KIAA1217: variants seen among roughly 807,000 people sequenced by gnomAD.
KIAA1217 encodes the protein KIAA1217.
A neutral mutation model predicts 163.9 loss-of-function variants in KIAA1217; 88 were observed. The observed-to-expected ratio is 0.54, with a 90% CI of 0.45 to 0.64. The LOEUF (loss-of-function observed/expected upper bound fraction) is 0.64, where lower values mean the gene tolerates loss of function less well. Among genes scored for constraint, KIAA1217 ranks in the 30% least tolerant of loss-of-function variants. The pLI is 0.00. For missense variants in KIAA1217, 2,372 were observed against 2,475.0 expected, an observed-to-expected ratio of 0.96 and a Z score of 0.88; for synonymous variants, 903 against 923.1, an observed-to-expected ratio of 0.98 and a Z score of 0.39.
intron 1 of KIAA1217, among the ~76,000 whole-genome samples, chr10:23,934,829 G>A (rs1207511634): frequency 6.6e-6 from 1 of 151,276 alleles, no homozygotes; most frequent in Non-Finnish European, 1.5e-5. Flanking sequence ...ATGTTAGCCA[G>A]GATGGTCTCG....
At chr10:24,451,104 TAGAGAAA>T (rs2061342231) in intron 5 of KIAA1217, among the ~76,000 whole-genome samples, 1 of 152,190 alleles carries the variant, frequency 6.6e-6, no homozygotes, top group Non-Finnish European at 1.5e-5. Flanking sequence ...AGTGTAGAGA[TAGAGAAA>T]AGCACTTTGG....
At chr10:24,065,562 C>A (rs983014718) in intron 2 of KIAA1217, among the ~76,000 whole-genome samples, 1 of 152,104 alleles carries the variant, frequency 6.6e-6, no homozygotes, top group Non-Finnish European at 1.5e-5. Context: ...TTACTTCCAA[C>A]TATGTGGTCA....
intron 1 of KIAA1217, among the ~76,000 whole-genome samples, chr10:23,708,696 C>G (rs1029732063): frequency 2.6e-5 from 4 of 152,186 alleles, no homozygotes; most frequent in Admixed American, 2.0e-4. Context: ...AAAAGTTAGG[C>G]AGGGCCTTAA....
At chr10:23,970,067 TC>T (rs1845246921) in intron 1 of KIAA1217, among the ~76,000 whole-genome samples, 1 of 152,158 alleles carries the variant, frequency 6.6e-6, no homozygotes, top group East Asian at 1.9e-4. Context: ...TCCCACCAGG[TC>T]TCTCCCACAC....
intron 1 of KIAA1217, among the ~76,000 whole-genome samples, chr10:23,849,486 T>A (rs938419693): frequency 4.2e-4 from 64 of 152,048 alleles, no homozygotes; most frequent in African/African-American, 1.4e-3. Context: ...TGATACAGTG[T>A]TGCTCCATCA....
At chr10:23,962,603 G>A (rs1011259) in intron 1 of KIAA1217, among the ~76,000 whole-genome samples, 2,561 of 152,230 alleles carry the variant, frequency 0.017, 77 homozygotes, top group African/African-American at 0.056. Flanking sequence ...ATTATTCTTA[G>A]AAAACTAGTG....
chr10:23,709,981 T>G (rs531781934), intron 1 of KIAA1217, among the ~76,000 whole-genome samples: 1 of 152,346 alleles, frequency 6.6e-6, no homozygotes, highest in East Asian at 1.9e-4. Context: ...TCTGATTTTC[T>G]TCTCTGGTTG....
chr10:24,198,051 C>G (rs915910317), intron 2 of KIAA1217, among the ~76,000 whole-genome samples: 4 of 152,238 alleles, frequency 2.6e-5, no homozygotes, highest in African/African-American at 9.6e-5. Flanking sequence ...ACATATGCAT[C>G]CACCTCTGTG....
intron 2 of KIAA1217, among the ~76,000 whole-genome samples, chr10:24,137,287 G>A (rs2063869968): frequency 6.6e-6 from 1 of 152,204 alleles, no homozygotes; most frequent in Admixed American, 6.5e-5. Flanking sequence ...AGCCACGTGT[G>A]GTGATGACTG....
chr10:23,916,698 G>A (rs2131281332), intron 1 of KIAA1217, among the ~76,000 whole-genome samples: 1 of 152,266 alleles, frequency 6.6e-6, no homozygotes, highest in South Asian at 2.1e-4. Flanking sequence ...GGCTGGCAGG[G>A]CGCAGTGGCT....
intron 1 of KIAA1217, among the ~76,000 whole-genome samples, chr10:23,766,654 T>A (rs1333019954): frequency 6.7e-6 from 1 of 149,596 alleles, no homozygotes; most frequent in African/African-American, 2.5e-5. Flanking sequence ...AATGGCACAA[T>A]CTTGGCTCAC....
chr10:24,380,906 C>A lies in KIAA1217; in HGVS notation c.392C>A (p.Pro131His). ...AAACTGTCTCACAGTCCTCAACCAC[C>A]CAGTCTGGGTGACCCGGTCGAGCAT... is the stretch of plus-strand genomic sequence containing the variant. ...SPKLSHSPQP[P>H]SLGDPVEHLS... is the part of the protein sequence containing the mutation. Residue 131 changes from proline to histidine, a missense_variant, in exon 3 of 21, where the codon CCC becomes CAC. By Grantham distance (77) the Pro-to-His change is moderately conservative. This residue lies in a region of KIAA1217 where 1,431 missense variants were observed against 1,470.3 expected (regional missense o/e 0.97). Coordinates refer to ENST00000376454, the MANE Select transcript of KIAA1217 (RefSeq NM_019590.5). 1 of 1,596,906 alleles carries A rather than the reference C, an allele frequency of 6.3e-7. No individual in the cohort carries two copies. The highest frequency in any genetic ancestry group is 8.5e-7 in the Non-Finnish European group (1 of 1,170,456).
In KIAA1217 at chr10:24,127,257, C is replaced by G. The variant is rs190642256; in HGVS notation, c.-170-92369C>G. 2.9e-3 allele frequency among the ~76,000 whole-genome samples: 448 copies of G among 152,066 alleles called. 1 individual carries two copies. The highest frequency in any genetic ancestry group is 5.1e-3 in the Non-Finnish European group (345 of 67,982). ...AGTATAACCTTTGGGGATTTGTGTT[C>G]CTTTGGACTTTTAAAATAAATGCAG... On this transcript the variant is annotated intron_variant, in intron 2 of 18. Transcript: ENST00000376462.
intron 8 of KIAA1217, 128 bp from the exon 9 acceptor site, chr10:24,501,251 T>C (rs1461712010): frequency 1.4e-6 from 1 of 726,760 alleles, no homozygotes; most frequent in Non-Finnish European, 2.2e-6. Flanking sequence ...GATTCATATA[T>C]ATGCATATTT....
At chr10:24,373,159 T>A (rs1170393002) in intron 2 of KIAA1217, among the ~76,000 whole-genome samples, 1 of 152,196 alleles carries the variant, frequency 6.6e-6, no homozygotes, top group Non-Finnish European at 1.5e-5. Context: ...GTATCCTAAG[T>A]GTGAGCACCT....
chr10:24,332,993 A>C (rs2045883981), intron 2 of KIAA1217, among the ~76,000 whole-genome samples: 1 of 152,072 alleles, frequency 6.6e-6, no homozygotes, highest in African/African-American at 2.4e-5. Flanking sequence ...GAAAGGTAGA[A>C]GGGCAGGGCA....
chr10:24,325,453 CAT>C, intron 2 of KIAA1217, among the ~76,000 whole-genome samples: 1 of 152,128 alleles, frequency 6.6e-6, no homozygotes, highest in South Asian at 2.1e-4. Context: ...GTGAGAAGGT[CAT>C]CTTGGTTCCA....
chr10:23,949,363 T>C (rs1477409478), intron 1 of KIAA1217, among the ~76,000 whole-genome samples: 2 of 152,228 alleles, frequency 1.3e-5, no homozygotes, highest in African/African-American at 2.4e-5. Flanking sequence ...TTTATATGTA[T>C]TTACAGTTTC....
intron 3 of KIAA1217, among the ~76,000 whole-genome samples, chr10:24,431,062 T>C (rs911924110): frequency 6.6e-6 from 1 of 152,226 alleles, no homozygotes; most frequent in African/African-American, 2.4e-5. Flanking sequence ...AGTTATTCCC[T>C]TGAAGGTTTA....
Sources: allele counts gnomAD v4.1 joint callset (sites outside exome capture counted in the v4.1 genomes callset), GRCh38; gene constraint gnomAD v4.1.1; regional missense constraint gnomAD v4.1.1; transcripts MANE v1.5; gene names NCBI Gene and HGNC (gene_info 2026-07-23, HGNC 2026-07-21).